Variants in MSANTD5 observed in about 807,000 individuals in gnomAD.
MSANTD5 encodes the protein uncharacterized protein MSANTD5.
the MSANTD5 span, among the ~76,000 whole-genome samples, chr5:178,703,253 G>T: frequency 6.6e-6 from 1 of 152,200 alleles, no homozygotes; most frequent in Non-Finnish European, 1.5e-5. Context: ...TGCGGAGGGC[G>T]CCCACGGGCA....
the MSANTD5 span, among the ~76,000 whole-genome samples, chr5:178,704,698 G>C: frequency 1.3e-5 from 2 of 152,240 alleles, no homozygotes; most frequent in African/African-American, 4.8e-5. Context: ...AATGTCAGAA[G>C]TGTCCCCTGA....
chr5:178,693,840 C>T (rs1243935971), downstream of MSANTD5, among the ~76,000 whole-genome samples: 1 of 151,978 alleles, frequency 6.6e-6, no homozygotes, highest in African/African-American at 2.4e-5. Context: ...AAAAGTTCTC[C>T]AAGTCCCCAC....
At chr5:178,693,415 T>A (rs1465346068), downstream of MSANTD5, among the ~76,000 whole-genome samples, 169 of 152,118 alleles carry the variant, frequency 1.1e-3, 2 homozygotes, top group African/African-American at 3.7e-3. Flanking sequence ...GTGTCACAGC[T>A]CTTAAAGATA....
At chr5:178,706,177 T>G in the MSANTD5 span, among the ~76,000 whole-genome samples, 3 of 152,162 alleles carry the variant, frequency 2.0e-5, no homozygotes, top group Admixed American at 1.3e-4. Context: ...TGGTTGATTT[T>G]CATATGTTGA....
At chr5:178,703,980 CAAAAA>C in the MSANTD5 span, among the ~76,000 whole-genome samples, 6 of 60,260 alleles carry the variant, frequency 1.0e-4, no homozygotes, top group Non-Finnish European at 2.1e-4. Flanking sequence ...GACTCCGTCT[CAAAAA>C]AAAAAAAAAA....
intron 1 of MSANTD5, among the ~76,000 whole-genome samples, chr5:178,697,079 A>G (rs1416395676): frequency 6.6e-6 from 1 of 152,168 alleles, no homozygotes; most frequent in South Asian, 2.1e-4. Context: ...GTTTCTTCCC[A>G]TACCAACTAA....
downstream of MSANTD5, chr5:178,694,550 GA>G: frequency 6.6e-6 from 1 of 152,442 alleles, no homozygotes; most frequent in Non-Finnish European, 1.5e-5. Context: ...GCACAAGCCA[GA>G]AAGGGATGAG....
At chr5:178,698,616 G>A (rs553324179), upstream of MSANTD5, among the ~76,000 whole-genome samples, 80 of 152,212 alleles carry the variant, frequency 5.3e-4, no homozygotes, top group Admixed American at 2.4e-3. Flanking sequence ...GTCTTGCTCT[G>A]CTGCCCAGGC....
At chr5:178,693,319 TATA>T (rs549363274), downstream of MSANTD5, among the ~76,000 whole-genome samples, 7 of 152,014 alleles carry the variant, frequency 4.6e-5, no homozygotes, top group South Asian at 1.2e-3. Context: ...CTCAAAAAAA[TATA>T]ATAATGTGTC....
the MSANTD5 span, among the ~76,000 whole-genome samples, chr5:178,705,176 G>T: frequency 2.0e-5 from 3 of 152,038 alleles, no homozygotes; most frequent in Non-Finnish European, 2.9e-5. Flanking sequence ...AGCATCCCCA[G>T]TAGCTGGATT....
chr5:178,706,454 T>G, the MSANTD5 span, among the ~76,000 whole-genome samples: 4 of 151,998 alleles, frequency 2.6e-5, no homozygotes, highest in African/African-American at 4.8e-5. Context: ...GGGGGTGCAT[T>G]CTATAATCTT....
At chr5:178,698,701 T>G (rs1043973943), upstream of MSANTD5, among the ~76,000 whole-genome samples, 8 of 148,802 alleles carry the variant, frequency 5.4e-5, no homozygotes, top group Non-Finnish European at 1.2e-4. Flanking sequence ...TGCCTCAGCC[T>G]CGCAGGTAGC....
At chr5:178,703,472 C>T in the MSANTD5 span, among the ~76,000 whole-genome samples, 2 of 152,136 alleles carry the variant, frequency 1.3e-5, no homozygotes, top group African/African-American at 2.4e-5. Flanking sequence ...CAGTATATGC[C>T]TATAAAGGGA....
At chr5:178,696,401 T>C (rs1049674122) in intron 1 of MSANTD5, among the ~76,000 whole-genome samples, 1 of 152,082 alleles carries the variant, frequency 6.6e-6, no homozygotes, top group African/African-American at 2.4e-5. Flanking sequence ...ATTTGGTGTT[T>C]TTTTAGTAGA....
At chr5:178,697,318 G>T (rs1206176779) in intron 1 of MSANTD5, among the ~76,000 whole-genome samples, 2 of 151,692 alleles carry the variant, frequency 1.3e-5, no homozygotes, top group Admixed American at 1.3e-4. Context: ...GCCGGGCGTG[G>T]TGGCGGGCGC....
upstream of MSANTD5, among the ~76,000 whole-genome samples, chr5:178,698,193 C>G (rs11743893): frequency 1.3e-5 from 2 of 151,980 alleles, no homozygotes; most frequent in Non-Finnish European, 2.9e-5. Flanking sequence ...ATGAGAAGCT[C>G]AGATTAAAAA....
chr5:178,701,839 G>A (rs1044292930), upstream of MSANTD5, among the ~76,000 whole-genome samples: 9 of 150,022 alleles, frequency 6.0e-5, no homozygotes, highest in African/African-American at 2.2e-4. Flanking sequence ...TCTGCCTCCC[G>A]GGTTCAACCT....
the MSANTD5 span, among the ~76,000 whole-genome samples, chr5:178,705,618 A>G: frequency 3.3e-5 from 5 of 152,098 alleles, no homozygotes; most frequent in Non-Finnish European, 7.4e-5. Flanking sequence ...AACTTGCACA[A>G]GGATTTGGAA....
the MSANTD5 span, among the ~76,000 whole-genome samples, chr5:178,703,171 GTC>G: frequency 6.6e-6 from 1 of 152,368 alleles, no homozygotes; most frequent in South Asian, 2.1e-4. Flanking sequence ...CTGCTGCTTT[GTC>G]CACCTGTTGC....
Sources: allele counts gnomAD v4.1 joint callset (sites outside exome capture counted in the v4.1 genomes callset), GRCh38; gene constraint gnomAD v4.1.1; transcripts MANE v1.5; gene names NCBI Gene and HGNC (gene_info 2026-07-23, HGNC 2026-07-21).